The following CDAN1 variants were observed in gnomAD, a reference collection of about 807,000 sequenced individuals.
The protein encoded by CDAN1 is codanin 1.
CDAN1 carries 107 observed loss-of-function variants against 139.8 expected under a neutral mutation model. The observed-to-expected ratio is 0.77, with a 90% CI of 0.65 to 0.90. The LOEUF is 0.90. Ranked by LOEUF, CDAN1 falls within the 40% of genes least tolerant of loss-of-function variation. The pLI, the probability that CDAN1 is intolerant of heterozygous loss-of-function variation, is 0.00. For missense variants in CDAN1, 1,667 were observed against 1,575.7 expected, an observed-to-expected ratio of 1.06 and a Z score of -0.98; for synonymous variants, 776 against 660.6, an observed-to-expected ratio of 1.17 and a Z score of -2.68.
At position 42,725,236 on chromosome 15, in the gene CDAN1, A is replaced by C; in HGVS notation, c.3466T>G (p.Phe1156Val). ...TRPREWDLLL[F>V]LLRELVEKGL... is the part of the protein sequence containing the mutation. ...TTCTCCACCAGCTCCCGTAGCAAGA[A>C]TAGCAGCAAGTCCCACTGCAAAACA... Residue 1156 changes from phenylalanine (F) to valine (V), a missense_variant, in exon 27 of 28, where the codon TTC (phenylalanine) becomes GTC (valine). Around this residue, in one of 3 missense-constraint regions of CDAN1, gnomAD observed 936 missense variants for 844.1 expected, o/e 1.11. Transcript: ENST00000356231. 6.2e-7 allele frequency: 1 copy of C among 1,614,186 alleles called. No individual in the cohort carries two copies. Among genetic ancestry groups the C allele is most frequent in the African/African-American group, 1.3e-5 (1 of 75,054 alleles).
rs111341445 is a variant in CDAN1 at position 42,733,471 on chromosome 15, T to A, written c.1368-285A>T. Among the ~76,000 whole-genome samples the A allele has an allele frequency of 1.1e-4, 17 of 152,214 alleles. 1 individual carries two copies. Among genetic ancestry groups the A allele is most frequent in the African/African-American group, 4.1e-4 (17 of 41,540 alleles). On this transcript the variant is annotated intron_variant, in intron 8 of 27. Transcript: ENST00000356231. ...TTTGTATTTTTAGTAGAGACGGAGTTTCACCATGTTGGCCCGGCTGGTCTC... is the reference window on the plus strand; with the variant it reads ...TTTGTATTTTTAGTAGAGACGGAGTATCACCATGTTGGCCCGGCTGGTCTC...
chr15:42,736,559 G>C lies in CDAN1; in HGVS notation c.312C>G (p.Thr104=). 1 of 1,483,682 alleles carries C rather than the reference G, an allele frequency of 6.7e-7. No individual in the cohort carries two copies. The highest frequency in any genetic ancestry group is 8.9e-7 in the Non-Finnish European group (1 of 1,119,524). The allele number at this position is 1,483,682 out of a possible 1,614,324, so 91.9% of individuals were successfully genotyped here. A position where few individuals can be genotyped will look rare whatever the true frequency, so the allele number is the denominator to read the frequency against. ...RGARSQLFPP[T]EAQSTAAEAP... is the part of the protein sequence containing the mutation. ...CCTCGGCAGCGGTGCTCTGGGCCTC[G>C]GTCGGAGGGAAAAGCTGGCTGCGCG... Residue 104 remains threonine (T), a synonymous_variant, in exon 2 of 28, where the codon ACC becomes ACG. Coordinates refer to ENST00000356231, the MANE Select transcript of CDAN1 (RefSeq NM_138477.4).
chr15:42,730,800 C>G (rs1231004847), intron 13 of CDAN1, 36 bp from the exon 14 acceptor site: 1 of 1,612,656 alleles, frequency 6.2e-7, no homozygotes. Flanking sequence ...GGGCAGGTCC[C>G]TAGGAAGGGC....
chr15:42,734,424 G>A (rs2061659317), intron 6 of CDAN1, 78 bp from the exon 7 acceptor site: 21 of 1,572,986 alleles, frequency 1.3e-5, no homozygotes, highest in Non-Finnish European at 1.7e-5. Flanking sequence ...ACACCACAGA[G>A]GATCTCTAAG....
Position 42,734,048 on chromosome 15 carries a change from C to A in CDAN1, c.1258-1G>T. 1 of 1,611,802 alleles carries A rather than the reference C, an allele frequency of 6.2e-7. No homozygotes were observed. The highest frequency in any genetic ancestry group is 1.1e-5 in the South Asian group (1 of 91,006). The stretch of plus-strand genomic sequence containing the variant: ...TAGAGGGAGGCATCACCAGAGAGAC[C>A]TAAAATACAGCAGGAACGTTAGGAA... On this transcript the variant is annotated splice_acceptor_variant, in intron 7 of 27. Coordinates refer to ENST00000356231, the MANE Select transcript of CDAN1 (RefSeq NM_138477.4). LOFTEE classifies it high-confidence loss of function.
intron 23 of CDAN1, 169 bp from the exon 24 acceptor site, chr15:42,726,586 G>A: frequency 1.6e-6 from 1 of 611,308 alleles, no homozygotes; most frequent in Non-Finnish European, 2.9e-6. Context: ...GGATAATACA[G>A]CCAGGGGAAG....
At chr15:42,726,528 G>A in intron 23 of CDAN1, 111 bp from the exon 24 acceptor site, 1 of 843,312 alleles carries the variant, frequency 1.2e-6, no homozygotes, top group Non-Finnish European at 1.9e-6. Flanking sequence ...ATGGGCCCCG[G>A]GATATGGTGA....
rs996897219 is a variant in CDAN1, at chr15:42,729,008, T to C, written c.2645+15A>G. The C allele has an allele frequency of 6.2e-7, 1 of 1,612,574 alleles. No homozygotes were observed. Among genetic ancestry groups the C allele is most frequent in the Non-Finnish European group, 8.5e-7 (1 of 1,178,524 alleles). ...TGGTAGGGCGATGAGACCAGGATCC[T>C]TAACCCACTCTTACTTGATATGTTT... On this transcript the variant is annotated intron_variant, in intron 19 of 27. Transcript: ENST00000356231.
Position 42,723,709 on chromosome 15 carries a change from TG to T in CDAN1, c.*781del. 6.6e-6 allele frequency: 1 copy of T among 151,976 alleles called. No homozygotes were observed. The highest frequency in any genetic ancestry group is 2.1e-4 in the South Asian group (1 of 4,830). 9.4% of individuals were successfully genotyped at this position (151,976 alleles called of 1,614,324 possible). A position where few individuals can be genotyped will look rare whatever the true frequency, so the allele number is the denominator to read the frequency against. On this transcript the variant is annotated 3_prime_UTR_variant, in exon 28 of 28. Transcript: ENST00000356231. Reference sequence around the variant, plus strand: ...TCAGTTGGTTGAGTCCTACCTTATCTGTTTGTTAGGCTTTTTCTAGAAAGTC... The same window carrying T: ...TCAGTTGGTTGAGTCCTACCTTATCTTTTGTTAGGCTTTTTCTAGAAAGTC...
rs1398145922 is a variant in CDAN1, at chr15:42,735,616, G to T, written c.837C>A (p.Leu279=). 1 of 1,614,108 alleles carries T rather than the reference G, an allele frequency of 6.2e-7. No individual in the cohort carries two copies. The highest frequency in any genetic ancestry group is 8.5e-7 in the Non-Finnish European group (1 of 1,180,046). The change falls in exon 4 of 28, where the codon CTC becomes CTA. Residue 279 remains leucine, a synonymous_variant. Transcript: ENST00000356231. ...TCPTPELGSP[L]PSRTGSLTDE... is the part of the protein sequence containing the mutation. ...CTGTGAGGCTTCCTGTCCGGCTGGG[G>T]AGGGGCGACCCCAATTCTGGGGTGG...
intron 20 of CDAN1, 95 bp downstream of exon 20, chr15:42,728,534 GGAGAAGAAAAAAGGAGGCATGAA>G: frequency 7.0e-7 from 1 of 1,421,230 alleles, no homozygotes; most frequent in Non-Finnish European, 9.9e-7. Context: ...ATGGGCGCAG[GGAGAAGAAAAAAGGAGGCATGAA>G]GAGAAGAAAG....
Position 42,724,441 on chromosome 15 carries a change from G to C in CDAN1, c.*50C>G, listed in dbSNP as rs572642343. ...GGGCACTTGGGCCTCCTCGTGAGGCGGGGGTCCAGGGTTCTGGTGCAATGC... is the reference window on the plus strand; with the variant it reads ...GGGCACTTGGGCCTCCTCGTGAGGCCGGGGTCCAGGGTTCTGGTGCAATGC... On this transcript the variant is annotated 3_prime_UTR_variant, in exon 28 of 28. Coordinates refer to ENST00000356231, the MANE Select transcript of CDAN1 (RefSeq NM_138477.4). 138 of 1,559,064 alleles carry C rather than the reference G, an allele frequency of 8.9e-5. 2 individuals carry two copies. The South Asian group carries it at 1.5e-3, about 17-fold the overall frequency.
rs1223300626 is a variant in CDAN1, at chr15:42,727,692, C to CAA, written c.3024_3025insTT (p.Glu1009LeufsTer24). On this transcript the variant is annotated frameshift_variant, in exon 23 of 28. Coordinates refer to ENST00000356231, the MANE Select transcript of CDAN1 (RefSeq NM_138477.4). LOFTEE classifies it high-confidence loss of function. ...CAGGCGCGGGAGCAGCCCCTCCGCT[C>CAA]CCCCCGGGCAGCAGGTTCAGGACCC... 13 of 1,584,314 alleles carry CAA rather than the reference C, an allele frequency of 8.2e-6. No individual in the cohort carries two copies. Among genetic ancestry groups the CAA allele is most frequent in the Non-Finnish European group, 1.0e-5 (12 of 1,161,816 alleles).
At position 42,736,648 on chromosome 15, in the gene CDAN1, T is replaced by A. The variant is rs1358096832; in HGVS notation, c.223A>T (p.Thr75Ser). The A allele has an allele frequency of 1.3e-6, 2 of 1,526,988 alleles. No individual in the cohort carries two copies. 94.6% of individuals were successfully genotyped at this position (1,526,988 alleles called of 1,614,324 possible). The change falls in exon 2 of 28, where the codon ACC becomes TCC. Residue 75 changes from threonine (T) to serine (S), a missense_variant. Transcript: ENST00000356231. ...LPQGPPTPAK[T>S]PGASAALPGR... ...GGCAAGGCTGCCGAGGCGCCCGGGG[T>A]CTTGGCGGGGGTCGGGGGCCCCTGC...
Position 42,730,200 on chromosome 15 carries a change from C to A in CDAN1, c.2190G>T (p.Ser730=), listed in dbSNP as rs537648780. 3 of 1,613,998 alleles carry A rather than the reference C, an allele frequency of 1.9e-6. No individual in the cohort carries two copies. The highest frequency in any genetic ancestry group is 2.7e-5 in the African/African-American group (2 of 74,912). The change falls in exon 15 of 28, where the codon TCG becomes TCT. Residue 730 remains serine, a synonymous_variant. Coordinates refer to ENST00000356231, the MANE Select transcript of CDAN1 (RefSeq NM_138477.4). ...AACACATCTTCCCCTCACTCTCCTGCGACAACACCAAGCTCCTGAAACATC... is the reference window on the plus strand; with the variant it reads ...AACACATCTTCCCCTCACTCTCCTGAGACAACACCAAGCTCCTGAAACATC... The part of the protein sequence containing the change: ...LLRLHRSLVL[S]QESEGKMCFL...
intron 23 of CDAN1, chr15:42,726,671 CGTCACTCAACTT>C (rs778087626): frequency 4.2e-4 from 238 of 560,534 alleles, no homozygotes; most frequent in Non-Finnish European, 6.7e-4. Context: ...GCATGGGAAA[CGTCACTCAACTT>C]GGGACCAAAC....
chr15:42,733,977 A>C lies in CDAN1; in HGVS notation c.1328T>G (p.Phe443Cys). ...FQPETDNRANFSSDRAFHTFK... is the reference protein window; with the variant it reads ...FQPETDNRANCSSDRAFHTFK... ...AGTATGAAAGGCTCGGTCACTGGAG[A>C]AGTTGGCACGATTGTCAGTCTCTGG... The change falls in exon 8 of 28, where the codon TTC (phenylalanine) becomes TGC (cysteine). Residue 443 changes from phenylalanine to cysteine, a missense_variant. Transcript: ENST00000356231. 1 of 1,614,118 alleles carries C rather than the reference A, an allele frequency of 6.2e-7. No individual in the cohort carries two copies. The highest frequency in any genetic ancestry group is 8.5e-7 in the Non-Finnish European group (1 of 1,179,976).
chr15:42,736,455 C>T lies in CDAN1; in HGVS notation c.416G>A (p.Gly139Glu), dbSNP rs1172507537. The change falls in exon 2 of 28, where the codon GGG (glycine) becomes GAG (glutamate). Residue 139 changes from glycine to glutamate, a missense_variant. This residue lies in a region of CDAN1 where 487 missense variants were observed against 422.2 expected (regional missense o/e 1.15). Coordinates refer to ENST00000356231, the MANE Select transcript of CDAN1 (RefSeq NM_138477.4). ...TCCGGGCAGGCTCTCCCCGCTGACC[C>T]CCTCCTCCAGGCCGCGGCCTCCACG... The part of the protein sequence containing the change: ...RERGGRGLEE[G>E]VSGESLPGAG... 4 of 1,558,542 alleles carry T rather than the reference C, an allele frequency of 2.6e-6. No individual in the cohort carries two copies. The highest frequency in any genetic ancestry group is 2.7e-5 in the African/African-American group (2 of 73,252).
At position 42,729,847 on chromosome 15, in the gene CDAN1, C is replaced by G. The variant is rs974965276; in HGVS notation, c.2301G>C (p.Glu767Asp). 1.9e-6 allele frequency: 3 copies of G among 1,613,964 alleles called. No individual in the cohort carries two copies. The highest frequency in any genetic ancestry group is 2.5e-6 in the Non-Finnish European group (3 of 1,179,984). Residue 767 changes from glutamate (E) to aspartate (D), a missense_variant, in exon 16 of 28, where the codon GAG becomes GAC. Physicochemically the swap from Glu to Asp is conservative, Grantham distance 45. This residue lies in a region of CDAN1 where 936 missense variants were observed against 844.1 expected (regional missense o/e 1.11). Coordinates refer to ENST00000356231, the MANE Select transcript of CDAN1 (RefSeq NM_138477.4). The part of the protein sequence containing the change: ...TVPEDLFFLE[E>D]GPSYAFEVDT... Reference sequence around the variant, plus strand: ...CCACCTCAAAGGCATATGAGGGACCCTCTTCCAGAAAGAACAAGTCCTCAG... The same window carrying G: ...CCACCTCAAAGGCATATGAGGGACCGTCTTCCAGAAAGAACAAGTCCTCAG...
Sources: gnomAD v4.1 joint callset for allele counts (sites outside exome capture counted in the v4.1 genomes callset) on GRCh38, gnomAD v4.1.1 for gene constraint, gnomAD v4.1.1 regional missense constraint, MANE v1.5 for transcripts, NCBI Gene and HGNC (gene_info 2026-07-23, HGNC 2026-07-21) for gene names.